The following NPLOC4 variants were observed in gnomAD, a reference collection of about 807,000 sequenced individuals.
The protein encoded by NPLOC4 is NPL4 homolog, ubiquitin recognition factor.
NPLOC4 carries 18 observed loss-of-function variants against 80.6 expected under a neutral mutation model. The observed-to-expected ratio is 0.22, with a 90% CI of 0.15 to 0.33. The LOEUF (loss-of-function observed/expected upper bound fraction) is 0.33, where lower values mean the gene tolerates loss of function less well. Among genes scored for constraint, NPLOC4 ranks in the 10% least tolerant of loss-of-function variants. The pLI, the probability that NPLOC4 is intolerant of heterozygous loss-of-function variation, is 1.00. For synonymous variants in NPLOC4, 313 were observed against 301.5 expected (o/e 1.04, Z -0.39); for missense variants, 540 against 786.1 (o/e 0.69, Z 3.74).
At chr17:81,636,861 G>A (rs977956806) in intron 1 of NPLOC4, 55 bp downstream of exon 1, 19 of 1,388,196 alleles carry the variant, frequency 1.4e-5, no homozygotes, top group Middle Eastern at 2.5e-4. Flanking sequence ...GCCGAGGCCG[G>A]CAAATCTGCT....
intron 12 of NPLOC4, among the ~76,000 whole-genome samples, chr17:81,585,719 C>T (rs557793797): frequency 1.3e-5 from 2 of 150,992 alleles, no homozygotes; most frequent in South Asian, 4.2e-4. Context: ...CATCTGTAAT[C>T]CCAGCATCTA....
intron 12 of NPLOC4, among the ~76,000 whole-genome samples, chr17:81,581,348 CAAAAA>C (rs1169351301): frequency 0.092 from 768 of 8,370 alleles, 42 homozygotes; most frequent in African/African-American, 0.22. Context: ...GACTCCAACG[CAAAAA>C]AAAAAAAAAA....
At position 81,606,254 on chromosome 17, in the gene NPLOC4, G is replaced by A. The variant is rs147635681; in HGVS notation, c.654+437C>T. Among the ~76,000 whole-genome samples, 295 of 152,266 alleles carry A rather than the reference G, an allele frequency of 1.9e-3. 1 individual carries two copies. In the East Asian group the frequency reaches 0.026, roughly 14 times the overall value. On this transcript the variant is annotated intron_variant, in intron 7 of 16. Transcript: ENST00000331134. The stretch of plus-strand genomic sequence containing the variant: ...ACAGCGGCAGGAGGAAGGCGAGGCA[G>A]GCTACTCAGAGGCGGGACAAGGACA...
In NPLOC4 at chr17:81,604,782, T is replaced by C. The variant is rs1211182957; in HGVS notation, c.655-55A>G. The C allele has an allele frequency of 6.1e-6, 9 of 1,466,482 alleles. No homozygotes were observed. In the East Asian group the frequency reaches 1.2e-4, roughly 19 times the overall value. 90.8% of individuals were successfully genotyped at this position (1,466,482 alleles called of 1,614,324 possible). ...AAACATGCCATCAAAAAGAAATCAC[T>C]TGTTTTTCTAACACAAACCATTCAT... On this transcript the variant is annotated intron_variant, in intron 7 of 16. Transcript: ENST00000331134.
chr17:81,576,482 TG>T (rs1209083307), intron 12 of NPLOC4, among the ~76,000 whole-genome samples: 16 of 152,158 alleles, frequency 1.1e-4, no homozygotes, highest in Non-Finnish European at 1.5e-4. Flanking sequence ...CATGTGGACT[TG>T]ACTATATATG....
chr17:81,630,537 G>A (rs1430878925), intron 1 of NPLOC4, among the ~76,000 whole-genome samples: 1 of 151,954 alleles, frequency 6.6e-6, no homozygotes, highest in Non-Finnish European at 1.5e-5. Flanking sequence ...CACTGTGCTG[G>A]GATTACAGGT....
At chr17:81,608,877 C>T (rs1322837636) in intron 5 of NPLOC4, 55 bp from the exon 6 acceptor site, 50 of 1,400,988 alleles carry the variant, frequency 3.6e-5, no homozygotes, top group Middle Eastern at 3.8e-4. Flanking sequence ...TCACTCCAGG[C>T]GCTGAGCCTC....
intron 10 of NPLOC4, 69 bp from the exon 11 acceptor site, chr17:81,596,311 A>C: frequency 6.6e-7 from 1 of 1,526,546 alleles, no homozygotes; most frequent in South Asian, 1.2e-5. Context: ...TTTCTTCTTT[A>C]AAAAATAAGA....
chr17:81,627,261 G>A lies in NPLOC4; in HGVS notation c.96+2464C>T, dbSNP rs555398273. Among the ~76,000 whole-genome samples the A allele has an allele frequency of 5.9e-5, 9 of 151,774 alleles. No individual in the cohort carries two copies. In the South Asian group the frequency reaches 1.0e-3, roughly 18 times the overall value. On this transcript the variant is annotated intron_variant, in intron 2 of 16. Transcript: ENST00000331134. ...AAAAACATTAGCCGGGCATGGTGGC[G>A]GGTGCCTGTAGTCCCAGCTACTCGG...
rs556322850 is a variant in NPLOC4, at chr17:81,559,837, G to A, written c.1670-421C>T. Among the ~76,000 whole-genome samples the A allele has an allele frequency of 2.7e-5, 4 of 150,654 alleles. No individual in the cohort carries two copies. In the East Asian group the frequency reaches 8.0e-4, roughly 30 times the overall value. On this transcript the variant is annotated intron_variant, in intron 16 of 16. Coordinates refer to ENST00000331134, the MANE Select transcript of NPLOC4 (RefSeq NM_017921.4). ...AACCTCCACCTCCCGGGTTCAAGCG[G>A]TTTTCCTGCCTCAGCCTCCCAAGTA... is the stretch of plus-strand genomic sequence containing the variant.
chr17:81,626,318 G>GA (rs55857349), intron 2 of NPLOC4, among the ~76,000 whole-genome samples: 64,177 of 135,370 alleles, frequency 0.47, 15,368 homozygotes, highest in East Asian at 0.78. Flanking sequence ...TCCATCTCAA[G>GA]AAAAAAAAAA....
At chr17:81,624,055 C>A (rs886571510) in intron 2 of NPLOC4, among the ~76,000 whole-genome samples, 1 of 152,014 alleles carries the variant, frequency 6.6e-6, no homozygotes, top group South Asian at 2.1e-4. Context: ...GAGGCCAAGG[C>A]GGGTGGATCA....
chr17:81,615,399 C>T (rs892171402), intron 3 of NPLOC4, among the ~76,000 whole-genome samples: 19 of 152,122 alleles, frequency 1.2e-4, no homozygotes, highest in African/African-American at 3.6e-4. Flanking sequence ...CACGTCCAGC[C>T]GAGACGTCTG....
chr17:81,598,648 G>A (rs1198381914), intron 9 of NPLOC4, among the ~76,000 whole-genome samples: 1 of 152,198 alleles, frequency 6.6e-6, no homozygotes, highest in Non-Finnish European at 1.5e-5. Context: ...GTGTAGCAGT[G>A]CCTGTGTGCT....
chr17:81,616,635 CAGG>C (rs1688761795), intron 3 of NPLOC4, among the ~76,000 whole-genome samples: 1 of 151,490 alleles, frequency 6.6e-6, no homozygotes, highest in Non-Finnish European at 1.5e-5. Flanking sequence ...GAGGCTGAGG[CAGG>C]AGAATGGGGT....
chr17:81,634,999 T>A (rs1367524211), intron 1 of NPLOC4, among the ~76,000 whole-genome samples: 1 of 152,120 alleles, frequency 6.6e-6, no homozygotes, highest in East Asian at 1.9e-4. Flanking sequence ...GAGACCAGCC[T>A]GTACAACATA....
rs1302692066 is a variant in NPLOC4, at chr17:81,559,365, C to T, written c.1721G>A (p.Gly574Asp). The change falls in exon 17 of 17, where the codon GGC becomes GAC. Residue 574 changes from glycine (G) to aspartate (D), a missense_variant. Gly to Asp is a moderately conservative substitution (Grantham distance 94, BLOSUM62 -1). Around this residue, in one of 6 missense-constraint regions of NPLOC4, gnomAD observed 87 missense variants for 70.3 expected, o/e 1.24. Coordinates refer to ENST00000331134, the MANE Select transcript of NPLOC4 (RefSeq NM_017921.4). ...GGCTGCAGTGGCCGTGTGTGTGGAG[C>T]CCCCGACGGCGCCGTACTCATGGAG... is the stretch of plus-strand genomic sequence containing the variant. ...PGLHEYGAVG[G>D]STHTATAAMW... 8.1e-6 allele frequency: 13 copies of T among 1,608,010 alleles called. No individual in the cohort carries two copies. The highest frequency in any genetic ancestry group is 2.2e-5 in the East Asian group (1 of 44,686).
At chr17:81,590,819 G>A (rs1047885862) in intron 11 of NPLOC4, among the ~76,000 whole-genome samples, 1 of 152,200 alleles carries the variant, frequency 6.6e-6, no homozygotes, top group Non-Finnish European at 1.5e-5. Context: ...TGAGGGAGGA[G>A]ATAGAGCTGG....
intron 12 of NPLOC4, among the ~76,000 whole-genome samples, chr17:81,585,132 T>C (rs2034539100): frequency 8.9e-6 from 1 of 112,526 alleles, no homozygotes. Flanking sequence ...ATCGCACCAC[T>C]ACACTCCAGC....
Sources: allele counts gnomAD v4.1 joint callset (sites outside exome capture counted in the v4.1 genomes callset), GRCh38; gene constraint gnomAD v4.1.1; regional missense constraint gnomAD v4.1.1; transcripts MANE v1.5; gene names NCBI Gene and HGNC (gene_info 2026-07-23, HGNC 2026-07-21).